Variants in PHLPP1 observed in about 807,000 individuals in gnomAD.
The protein encoded by PHLPP1 is PH domain leucine-rich repeat-containing protein phosphatase 1.
PHLPP1 carries 42 observed loss-of-function variants against 117.2 expected under a neutral mutation model. That is an observed-to-expected ratio of 0.36 (90% CI 0.28 to 0.46). PHLPP1 has a LOEUF of 0.46. PHLPP1 is among the 20% of genes least tolerant of loss of function. The probability of loss-of-function intolerance (pLI) is 1.00; values close to 1 mark genes in which losing one functional copy is unlikely to be tolerated. For synonymous variants in PHLPP1, 1,042 were observed against 970.7 expected, an observed-to-expected ratio of 1.07 and a Z score of -1.37; for missense variants, 2,084 against 2,241.9, an observed-to-expected ratio of 0.93 and a Z score of 1.42.
At chr18:62,953,204 A>C (rs1045555801) in intron 12 of PHLPP1, among the ~76,000 whole-genome samples, 2 of 152,224 alleles carry the variant, frequency 1.3e-5, no homozygotes, top group African/African-American at 4.8e-5. Context: ...TAAGAAAGGG[A>C]GGCAGTGTAG....
At chr18:62,735,719 T>C (rs1214326804) in intron 1 of PHLPP1, among the ~76,000 whole-genome samples, 3 of 152,186 alleles carry the variant, frequency 2.0e-5, no homozygotes, top group East Asian at 3.8e-4. Context: ...CATTTATCTT[T>C]AGGGTACTAT....
intron 9 of PHLPP1, among the ~76,000 whole-genome samples, chr18:62,917,230 A>G (rs984755694): frequency 2.7e-5 from 4 of 146,394 alleles, no homozygotes; most frequent in African/African-American, 1.0e-4. Flanking sequence ...ATTTATATAT[A>G]TAAACAAACA....
At chr18:62,721,929 A>G (rs540177394) in intron 1 of PHLPP1, among the ~76,000 whole-genome samples, 7 of 152,322 alleles carry the variant, frequency 4.6e-5, no homozygotes, top group African/African-American at 1.7e-4. Flanking sequence ...ATTCACTGAC[A>G]TTGTATGTGA....
intron 12 of PHLPP1, among the ~76,000 whole-genome samples, chr18:62,956,479 C>A (rs1411066690): frequency 6.6e-6 from 1 of 151,924 alleles, no homozygotes; most frequent in Non-Finnish European, 1.5e-5. Flanking sequence ...TGTTGGGGGA[C>A]AAACATTCAG....
In PHLPP1 at chr18:62,746,336, C is replaced by T. The variant is rs570265613; in HGVS notation, c.1576+29077C>T. Reference sequence around the variant, plus strand: ...CTGGGATTACAGGCATGAGCCACCACGCCCGGCCAAAACTAATTTTTTATA... The same window carrying T: ...CTGGGATTACAGGCATGAGCCACCATGCCCGGCCAAAACTAATTTTTTATA... On this transcript the variant is annotated intron_variant, in intron 1 of 16. Transcript: ENST00000262719. 4.6e-5 allele frequency among the ~76,000 whole-genome samples: 7 copies of T among 152,300 alleles called. No individual in the cohort carries two copies. In the South Asian group the frequency reaches 8.3e-4, roughly 18 times the overall value.
At chr18:62,726,344 A>G (rs1454623556) in intron 1 of PHLPP1, among the ~76,000 whole-genome samples, 10 of 146,084 alleles carry the variant, frequency 6.8e-5, no homozygotes, top group Non-Finnish European at 1.5e-5. Context: ...GGGGGGTTGG[A>G]TGTTTGCTTT....
chr18:62,769,479 G>A (rs1050721336), intron 1 of PHLPP1, among the ~76,000 whole-genome samples: 1 of 152,138 alleles, frequency 6.6e-6, no homozygotes, highest in Non-Finnish European at 1.5e-5. Context: ...GTAATCATGC[G>A]AGGATTCAAA....
At chr18:62,753,083 G>T (rs1911909048) in intron 1 of PHLPP1, among the ~76,000 whole-genome samples, 1 of 152,210 alleles carries the variant, frequency 6.6e-6, no homozygotes, top group African/African-American at 2.4e-5. Context: ...AGGAAACCAG[G>T]TAATAGAATA....
chr18:62,750,028 A>G (rs1911797228), intron 1 of PHLPP1, among the ~76,000 whole-genome samples: 1 of 152,158 alleles, frequency 6.6e-6, no homozygotes. Context: ...AACAAAAGCA[A>G]AAACAAAAAA....
chr18:62,817,954 A>G (rs2144318232), intron 1 of PHLPP1, among the ~76,000 whole-genome samples: 1 of 150,248 alleles, frequency 6.7e-6, no homozygotes, highest in Admixed American at 6.7e-5. Flanking sequence ...TCCCAGGTTC[A>G]AGCGATTCTC....
intron 3 of PHLPP1, among the ~76,000 whole-genome samples, chr18:62,853,235 T>C (rs1288978489): frequency 6.6e-6 from 1 of 152,220 alleles, no homozygotes; most frequent in East Asian, 1.9e-4. Context: ...AGAGACCACC[T>C]GAGCAGGTAG....
chr18:62,814,815 T>G (rs539747968), intron 1 of PHLPP1, among the ~76,000 whole-genome samples: 2 of 152,260 alleles, frequency 1.3e-5, no homozygotes, highest in African/African-American at 4.8e-5. Flanking sequence ...TACAAAGTCC[T>G]ATAAATTTTG....
At position 62,716,854 on chromosome 18, in the gene PHLPP1, C is replaced by T. The variant is rs1024370338; in HGVS notation, c.1171C>T (p.Pro391Ser). 1 of 1,522,058 alleles carries T rather than the reference C, an allele frequency of 6.6e-7. No homozygotes were observed. Among genetic ancestry groups the T allele is most frequent in the Non-Finnish European group, 8.8e-7 (1 of 1,140,936 alleles). 94.3% of individuals were successfully genotyped at this position (1,522,058 alleles called of 1,614,324 possible). A position where few individuals can be genotyped will look rare whatever the true frequency, so the allele number is the denominator to read the frequency against. ...CGCAGCCTCGGCCCCGACGGGGGTC[C>T]CGGGCCAGCCCCGCCGTCCCGGCCA... ...ADAASAPTGV[P>S]GQPRRPGHPA... The change falls in exon 1 of 17, where the codon CCG (proline) becomes TCG (serine). Residue 391 changes from proline to serine, a missense_variant. Around this residue, in one of 2 missense-constraint regions of PHLPP1, gnomAD observed 719 missense variants for 636.0 expected, o/e 1.13. Coordinates refer to ENST00000262719, the MANE Select transcript of PHLPP1 (RefSeq NM_194449.4). The surrounding 1 kb of genome is among the most constrained non-coding windows in gnomAD (Gnocchi z 5.7).
chr18:62,719,989 T>C (rs1910868411), intron 1 of PHLPP1, among the ~76,000 whole-genome samples: 1 of 152,196 alleles, frequency 6.6e-6, no homozygotes, highest in Non-Finnish European at 1.5e-5. Flanking sequence ...AAAGGTACTA[T>C]CTAATTACAG....
In PHLPP1 at chr18:62,829,485, C is replaced by T. The variant is rs975557459; in HGVS notation, c.1577-550C>T. ...TAAAACTCCAACCCAGGCGTGGTGGCTCACGCCTGTAATCCCAGCACTTTG... is the reference window on the plus strand; with the variant it reads ...TAAAACTCCAACCCAGGCGTGGTGGTTCACGCCTGTAATCCCAGCACTTTG... On this transcript the variant is annotated intron_variant, in intron 1 of 16. Coordinates refer to ENST00000262719, the MANE Select transcript of PHLPP1 (RefSeq NM_194449.4). 3.9e-5 allele frequency among the ~76,000 whole-genome samples: 6 copies of T among 152,348 alleles called. 1 individual carries two copies. In the South Asian group the frequency reaches 1.2e-3, roughly 32 times the overall value.
At chr18:62,923,588 T>C (rs181996580) in intron 10 of PHLPP1, among the ~76,000 whole-genome samples, 2 of 152,338 alleles carry the variant, frequency 1.3e-5, no homozygotes, top group Admixed American at 1.3e-4. Context: ...AGAAAAATCA[T>C]ATTTTCTAAT....
At chr18:62,730,923 T>A (rs1278560433) in intron 1 of PHLPP1, among the ~76,000 whole-genome samples, 1 of 152,252 alleles carries the variant, frequency 6.6e-6, no homozygotes, top group Non-Finnish European at 1.5e-5. Flanking sequence ...AATGGGAAAT[T>A]GCCACAGATG....
At chr18:62,885,634 T>C (rs1916267666) in intron 4 of PHLPP1, among the ~76,000 whole-genome samples, 1 of 152,180 alleles carries the variant, frequency 6.6e-6, no homozygotes, top group Non-Finnish European at 1.5e-5. Context: ...GACTCCAGCA[T>C]GGGTGACAGA....
intron 2 of PHLPP1, among the ~76,000 whole-genome samples, chr18:62,831,149 T>TG (rs904701554): frequency 7.2e-5 from 11 of 152,126 alleles, no homozygotes; most frequent in Non-Finnish European, 1.3e-4. Context: ...CCAGATTACT[T>TG]GGGGAAATGT....
Sources: gnomAD v4.1 joint callset for allele counts (sites outside exome capture counted in the v4.1 genomes callset) on GRCh38, gnomAD v4.1.1 for gene constraint, gnomAD v4.1.1 regional missense constraint, Gnocchi (gnomAD v3.1) non-coding constraint, MANE v1.5 for transcripts, NCBI Gene and HGNC (gene_info 2026-07-23, HGNC 2026-07-21) for gene names.